Variants in PRKCA observed in about 807,000 individuals in gnomAD.
PRKCA encodes the protein protein kinase C alpha, also known as protein kinase C alpha type.
In PRKCA, 27 loss-of-function variants were observed where a neutral mutation model predicts 87.0. The observed-to-expected ratio is 0.31, with a 90% CI of 0.23 to 0.43. The LOEUF is 0.43. PRKCA is among the 20% of genes least tolerant of loss of function. The probability of loss-of-function intolerance (pLI) is 1.00; values close to 1 mark genes in which losing one functional copy is unlikely to be tolerated. For synonymous variants in PRKCA, 329 were observed against 311.1 expected (o/e 1.06, Z -0.61); for missense variants, 518 against 852.3 (o/e 0.61, Z 4.88).
At chr17:66,781,281 A>G (rs1308584818) in intron 14 of PRKCA, among the ~76,000 whole-genome samples, 3 of 152,032 alleles carry the variant, frequency 2.0e-5, no homozygotes, top group East Asian at 3.9e-4. Flanking sequence ...GCACCGGCCA[A>G]TGAGATCAGA....
chr17:66,510,082 G>T (rs563909945), intron 3 of PRKCA, among the ~76,000 whole-genome samples: 1 of 152,092 alleles, frequency 6.6e-6, no homozygotes, highest in Non-Finnish European at 1.5e-5. Context: ...CTAGTGATAA[G>T]CAGAAAAGAG....
At chr17:66,496,652 C>T (rs1217204463) in intron 3 of PRKCA, among the ~76,000 whole-genome samples, 4 of 150,222 alleles carry the variant, frequency 2.7e-5, no homozygotes, top group Admixed American at 6.7e-5. Flanking sequence ...CCCCACCCCT[C>T]CCGTCCTCTT....
chr17:66,660,927 T>A (rs905406867), intron 5 of PRKCA, among the ~76,000 whole-genome samples: 4 of 151,862 alleles, frequency 2.6e-5, no homozygotes, highest in African/African-American at 2.4e-5. Context: ...ATTAATTAAT[T>A]AATTAATTAA....
At chr17:66,785,404 C>T (rs911788482) in intron 14 of PRKCA, among the ~76,000 whole-genome samples, 1 of 152,170 alleles carries the variant, frequency 6.6e-6, no homozygotes, top group Non-Finnish European at 1.5e-5. Flanking sequence ...GTGTGACCTG[C>T]CCGTGTCAGC....
At chr17:66,420,001 TC>T (rs544653753) in intron 2 of PRKCA, among the ~76,000 whole-genome samples, 2 of 147,862 alleles carry the variant, frequency 1.4e-5, no homozygotes, top group East Asian at 2.0e-4. Flanking sequence ...TGGGTTGTGT[TC>T]TTTTTTTTTT....
At chr17:66,559,804 T>A (rs1303710808) in intron 3 of PRKCA, among the ~76,000 whole-genome samples, 1 of 152,190 alleles carries the variant, frequency 6.6e-6, no homozygotes, top group Non-Finnish European at 1.5e-5. Context: ...ATGATTTTCC[T>A]TGTATGTGGA....
intron 8 of PRKCA, among the ~76,000 whole-genome samples, chr17:66,691,556 G>A (rs1445803538): frequency 1.3e-5 from 2 of 152,174 alleles, no homozygotes; most frequent in Non-Finnish European, 2.9e-5. Flanking sequence ...ATGCAGACCT[G>A]GGGTACTGGA....
intron 3 of PRKCA, among the ~76,000 whole-genome samples, chr17:66,555,515 C>A (rs1968467520): frequency 6.6e-6 from 1 of 152,164 alleles, no homozygotes; most frequent in Non-Finnish European, 1.5e-5. Flanking sequence ...ATTGCTGCCT[C>A]CCCACCAGTG....
rs1914226684 is a variant in PRKCA, at chr17:66,449,979, C to G, written c.206-46222C>G. On this transcript the variant is annotated intron_variant, in intron 2 of 16. Coordinates refer to ENST00000413366, the MANE Select transcript of PRKCA (RefSeq NM_002737.3). ...TCTTATTTTGCTTCATGTTCATTTTCAAGGAGGTATACCTTGGGGAGTGGG... is the reference window on the plus strand; with the variant it reads ...TCTTATTTTGCTTCATGTTCATTTTGAAGGAGGTATACCTTGGGGAGTGGG... Among the ~76,000 whole-genome samples the G allele has an allele frequency of 2.0e-5, 3 of 151,796 alleles. No individual in the cohort carries two copies. In the South Asian group the frequency reaches 6.2e-4, roughly 32 times the overall value.
At chr17:66,547,097 C>T (rs960014280) in intron 3 of PRKCA, among the ~76,000 whole-genome samples, 10 of 152,148 alleles carry the variant, frequency 6.6e-5, no homozygotes, top group Non-Finnish European at 1.0e-4. Context: ...TTTACCTTAG[C>T]GATCTTGCCC....
intron 3 of PRKCA, among the ~76,000 whole-genome samples, chr17:66,529,554 C>T (rs1198560352): frequency 1.3e-5 from 2 of 152,128 alleles, no homozygotes; most frequent in African/African-American, 2.4e-5. Flanking sequence ...CCTGGGGTCA[C>T]CTGGGAGGGA....
chr17:66,591,153 T>TTTG (rs565467479), intron 3 of PRKCA, among the ~76,000 whole-genome samples: 1 of 152,110 alleles, frequency 6.6e-6, no homozygotes, highest in Non-Finnish European at 1.5e-5. Flanking sequence ...TTTACAACTT[T>TTTG]TTGTTGTTGT....
At chr17:66,719,562 C>T (rs1973561593) in intron 8 of PRKCA, among the ~76,000 whole-genome samples, 1 of 152,112 alleles carries the variant, frequency 6.6e-6, no homozygotes, top group Non-Finnish European at 1.5e-5. Flanking sequence ...AGGTCAGGAC[C>T]TCGAGACCAG....
intron 3 of PRKCA, among the ~76,000 whole-genome samples, chr17:66,618,318 G>C (rs542891528): frequency 4.2e-4 from 62 of 148,046 alleles, no homozygotes; most frequent in Non-Finnish European, 8.1e-4. Context: ...TCGTGCCATT[G>C]CACTCCAGCC....
At chr17:66,446,074 T>C (rs937758161) in intron 2 of PRKCA, among the ~76,000 whole-genome samples, 1 of 152,114 alleles carries the variant, frequency 6.6e-6, no homozygotes, top group Non-Finnish European at 1.5e-5. Flanking sequence ...TCGGCCTCCC[T>C]AAGTGCTGGG....
chr17:66,784,580 G>A (rs756418414), intron 14 of PRKCA, among the ~76,000 whole-genome samples: 1 of 152,156 alleles, frequency 6.6e-6, no homozygotes, highest in Non-Finnish European at 1.5e-5. Context: ...AATCTCCTTC[G>A]CCAAAACTCA....
chr17:66,719,812 C>T (rs1312973208), intron 8 of PRKCA, among the ~76,000 whole-genome samples: 1 of 152,204 alleles, frequency 6.6e-6, no homozygotes, highest in Admixed American at 6.5e-5. Flanking sequence ...ATTTTGTTCT[C>T]TTTTTTCTGA....
At chr17:66,335,224 C>T (rs1906585004) in intron 2 of PRKCA, among the ~76,000 whole-genome samples, 1 of 152,102 alleles carries the variant, frequency 6.6e-6, no homozygotes, top group African/African-American at 2.4e-5. Flanking sequence ...CATCTCCTGG[C>T]TCAAGCCATC....
chr17:66,671,826 A>G (rs535587353), intron 5 of PRKCA, among the ~76,000 whole-genome samples: 25 of 152,362 alleles, frequency 1.6e-4, no homozygotes, highest in Non-Finnish European at 2.6e-4. Context: ...ACAAATTAGC[A>G]GAAAGTTGAA....
Sources: gnomAD v4.1 joint callset for allele counts (sites outside exome capture counted in the v4.1 genomes callset) on GRCh38, gnomAD v4.1.1 for gene constraint, MANE v1.5 for transcripts, NCBI Gene and HGNC (gene_info 2026-07-23, HGNC 2026-07-21) for gene names.